MAOB: variants seen among roughly 807,000 people sequenced by gnomAD.
MAOB encodes the protein monoamine oxidase B.
In MAOB, 15 loss-of-function variants were observed where a neutral mutation model predicts 41.9. The observed-to-expected ratio is 0.36, with a 90% CI of 0.24 to 0.55. The LOEUF (loss-of-function observed/expected upper bound fraction) is 0.55. Ranked by LOEUF, MAOB falls within the 20% of genes least tolerant of loss-of-function variation. MAOB has a pLI of 0.86. For synonymous variants in MAOB, 167 were observed against 144.2 expected (o/e 1.16, Z -1.13); for missense variants, 345 against 398.7 (o/e 0.87, Z 1.15).
chrX:43,805,270 T>G (rs186290936), intron 3 of MAOB, among the ~76,000 whole-genome samples: 1 of 108,133 alleles, frequency 9.2e-6, no homozygotes, highest in East Asian at 3.0e-4. Context: ...TTATTTCTCC[T>G]ATCTAACTAA....
rs770787461 is a variant in MAOB, at chrX:43,820,298, A to T, written c.280-16894T>A. Among the ~76,000 whole-genome samples, 12 of 112,449 alleles carry T rather than the reference A, an allele frequency of 1.1e-4. No homozygotes were observed. In the East Asian group the frequency reaches 3.3e-3, roughly 31 times the overall value. On this transcript the variant is annotated intron_variant, in intron 3 of 14. Coordinates refer to ENST00000378069, the MANE Select transcript of MAOB (RefSeq NM_000898.5). ...TAGAAGGTGGTTTCCCAGCTCTAAT[A>T]TTCTAATTTAATTAATAAATCTATT...
At position 43,778,743 on chromosome X, in the gene MAOB, T is replaced by G; in HGVS notation, c.1080-4A>C. 6 of 1,189,168 alleles carry G rather than the reference T, an allele frequency of 5.0e-6. No individual in the cohort carries two copies. Among genetic ancestry groups the G allele is most frequent in the Non-Finnish European group, 6.8e-6 (6 of 880,271 alleles). On this transcript the variant is annotated splice_region_variant and splice_polypyrimidine_tract_variant and intron_variant, in intron 10 of 14. Transcript: ENST00000378069. The stretch of plus-strand genomic sequence containing the variant: ...GAGTTCACAAAGTTTCTTCAACCTG[T>G]GAATGAAAAGAGACAAAAGAGAAAA...
At chrX:43,802,066 G>T in intron 5 of MAOB, 106 bp downstream of exon 5, 1 of 641,873 alleles carries the variant, frequency 1.6e-6, no homozygotes, top group Admixed American at 2.6e-5. Flanking sequence ...TGGTGGTGTG[G>T]TTTTAGACAC....
chrX:43,819,229 G>A (rs1020419204), intron 3 of MAOB, among the ~76,000 whole-genome samples: 1 of 111,698 alleles, frequency 9.0e-6, no homozygotes. Context: ...TATTACTTCA[G>A]TTACTCGGAG....
chrX:43,787,769 C>G (rs1021897201), intron 8 of MAOB, among the ~76,000 whole-genome samples: 1 of 111,551 alleles, frequency 9.0e-6, no homozygotes, highest in African/African-American at 3.3e-5. Flanking sequence ...TAGGGGGAAA[C>G]CATCATACAA....
chrX:43,838,271 A>G (rs1170164349), intron 3 of MAOB, among the ~76,000 whole-genome samples: 1 of 111,609 alleles, frequency 9.0e-6, no homozygotes, highest in Non-Finnish European at 1.9e-5. Flanking sequence ...GTGAATGAAC[A>G]TAGGTATCAT....
At chrX:43,856,746 G>T (rs2035290909) in intron 1 of MAOB, among the ~76,000 whole-genome samples, 1 of 109,677 alleles carries the variant, frequency 9.1e-6, no homozygotes, top group Non-Finnish European at 1.9e-5. Flanking sequence ...AAGTGGAAGT[G>T]GATCATCAAA....
At chrX:43,775,561 T>C (rs184048898) in intron 11 of MAOB, among the ~76,000 whole-genome samples, 20 of 112,072 alleles carry the variant, frequency 1.8e-4, no homozygotes, top group African/African-American at 6.2e-4. Context: ...TGGTTTTACC[T>C]ATTAAAAAGT....
At chrX:43,795,162 G>C (rs2034511748) in intron 7 of MAOB, among the ~76,000 whole-genome samples, 1 of 111,567 alleles carries the variant, frequency 9.0e-6, no homozygotes, top group African/African-American at 3.3e-5. Flanking sequence ...CACAAGTCCA[G>C]CTTCCAGAAT....
intron 12 of MAOB, among the ~76,000 whole-genome samples, chrX:43,770,026 A>G (rs1057146435): frequency 9.0e-6 from 1 of 111,366 alleles, no homozygotes; most frequent in Non-Finnish European, 1.9e-5. Context: ...ACTGTGGTGG[A>G]CATTGTGATG....
At chrX:43,823,204 A>G (rs1602005575) in intron 3 of MAOB, among the ~76,000 whole-genome samples, 2 of 79,160 alleles carry the variant, frequency 2.5e-5, no homozygotes, top group Admixed American at 1.9e-4. Flanking sequence ...ATGGAGTCTC[A>G]CTCTGTCACC....
intron 1 of MAOB, among the ~76,000 whole-genome samples, chrX:43,872,949 A>T (rs1424098741): frequency 8.9e-6 from 1 of 112,362 alleles, no homozygotes; most frequent in African/African-American, 3.2e-5. Context: ...ATTAAAAAAG[A>T]TACTCACACC....
intron 1 of MAOB, among the ~76,000 whole-genome samples, chrX:43,853,128 C>T (rs934680253): frequency 9.2e-6 from 1 of 109,010 alleles, no homozygotes. Context: ...ATTAGCCAGG[C>T]GTGGTGGCAA....
chrX:43,768,733 C>T lies in MAOB; in HGVS notation c.1348-17G>A. 3 of 1,183,907 alleles carry T rather than the reference C, an allele frequency of 2.5e-6. No individual in the cohort carries two copies. Among genetic ancestry groups the T allele is most frequent in the Non-Finnish European group, 3.4e-6 (3 of 870,578 alleles). ...ATGCAGGATCTGAAATGAAAGAACA[C>T]ACTGGCAAATAGCAAAAGTGACACC... is the stretch of plus-strand genomic sequence containing the variant. On this transcript the variant is annotated splice_polypyrimidine_tract_variant and intron_variant, in intron 13 of 14. Coordinates refer to ENST00000378069, the MANE Select transcript of MAOB (RefSeq NM_000898.5).
intron 5 of MAOB, 40 bp downstream of exon 5, chrX:43,802,132 G>T: frequency 9.5e-7 from 1 of 1,057,131 alleles, no homozygotes; most frequent in African/African-American, 1.8e-5. Flanking sequence ...AACCTAAAAG[G>T]TGGTCACAGT....
intron 3 of MAOB, among the ~76,000 whole-genome samples, chrX:43,815,159 A>G (rs1242673462): frequency 8.9e-6 from 1 of 111,964 alleles, no homozygotes; most frequent in African/African-American, 3.3e-5. Context: ...AGGACATGCC[A>G]TCATGCCAAG....
intron 8 of MAOB, among the ~76,000 whole-genome samples, chrX:43,787,897 T>C (rs746372141): frequency 8.9e-6 from 1 of 112,221 alleles, no homozygotes; most frequent in Non-Finnish European, 1.9e-5. Context: ...AATTACAAAT[T>C]ATAGATAAAT....
At chrX:43,831,243 A>G (rs1014117182) in intron 3 of MAOB, among the ~76,000 whole-genome samples, 1 of 111,703 alleles carries the variant, frequency 9.0e-6, no homozygotes, top group Non-Finnish European at 1.9e-5. Flanking sequence ...AGGCACAGAG[A>G]TCTGCTAGAA....
At chrX:43,876,021 C>T (rs775099253) in intron 1 of MAOB, among the ~76,000 whole-genome samples, 5 of 111,502 alleles carry the variant, frequency 4.5e-5, no homozygotes, top group Non-Finnish European at 7.5e-5. Flanking sequence ...GGCAGTGGCA[C>T]AATCTCGGCT....
Sources: allele counts gnomAD v4.1 joint callset (sites outside exome capture counted in the v4.1 genomes callset), GRCh38; gene constraint gnomAD v4.1.1; transcripts MANE v1.5; gene names NCBI Gene and HGNC (gene_info 2026-07-23, HGNC 2026-07-21).